PCDH19: variants seen among roughly 807,000 people sequenced by gnomAD.
PCDH19 encodes the protein protocadherin 19, also known as protocadherin-19.
In PCDH19, 6 loss-of-function variants were observed where a neutral mutation model predicts 46.2. The observed-to-expected ratio is 0.13, with a 90% CI of 0.07 to 0.26. The LOEUF (loss-of-function observed/expected upper bound fraction) is 0.26. Ranked by LOEUF, PCDH19 falls within the 10% of genes least tolerant of loss-of-function variation. The pLI is 1.00. For synonymous variants in PCDH19, 481 were observed against 415.7 expected, an observed-to-expected ratio of 1.16 and a Z score of -1.91; for missense variants, 740 against 972.3, an observed-to-expected ratio of 0.76 and a Z score of 3.18.
intron 5 of PCDH19, among the ~76,000 whole-genome samples, chrX:100,304,290 C>A (rs948579751): frequency 1.1e-4 from 12 of 111,402 alleles, no homozygotes; most frequent in Non-Finnish European, 2.1e-4. Context: ...CCCAGTAGCT[C>A]CACTGGGTGG....
At chrX:100,401,875 T>C (rs1446097312) in intron 3 of PCDH19, among the ~76,000 whole-genome samples, 2 of 111,000 alleles carry the variant, frequency 1.8e-5, no homozygotes, top group Non-Finnish European at 3.8e-5. Flanking sequence ...GGATTACAGG[T>C]GTGAGCCACT....
chrX:100,360,991 G>T (rs901077812), intron 3 of PCDH19, among the ~76,000 whole-genome samples: 2 of 111,808 alleles, frequency 1.8e-5, no homozygotes, highest in Non-Finnish European at 3.8e-5. Flanking sequence ...GGATGAGGGT[G>T]GGTTAGAATT....
At chrX:100,311,843 G>A (rs188806309) in intron 5 of PCDH19, among the ~76,000 whole-genome samples, 1 of 110,834 alleles carries the variant, frequency 9.0e-6, no homozygotes, top group East Asian at 2.8e-4. Flanking sequence ...TTATCTTGAT[G>A]TTTCAGTGTA....
chrX:100,340,528 CTCTGTTTCAGTTATAT>C (rs1188128515), intron 5 of PCDH19, among the ~76,000 whole-genome samples: 1 of 111,899 alleles, frequency 8.9e-6, no homozygotes, highest in African/African-American at 3.2e-5. Flanking sequence ...ATTAAATTGT[CTCTGTTTCAGTTATAT>C]AACTGTTTAA....
chrX:100,329,003 G>A (rs1321024407), intron 5 of PCDH19, among the ~76,000 whole-genome samples: 3 of 111,804 alleles, frequency 2.7e-5, no homozygotes, highest in African/African-American at 9.8e-5. Flanking sequence ...AGCTCCAGCC[G>A]CTCAGTCTGT....
intron 5 of PCDH19, among the ~76,000 whole-genome samples, chrX:100,302,845 A>G (rs972765484): frequency 1.3e-4 from 15 of 111,934 alleles, no homozygotes; most frequent in Admixed American, 3.8e-4. Context: ...GCTGTCAATT[A>G]AACTGTTAAT....
chrX:100,319,909 A>T (rs1314584652), intron 5 of PCDH19, among the ~76,000 whole-genome samples: 1 of 112,324 alleles, frequency 8.9e-6, no homozygotes, highest in African/African-American at 3.2e-5. Flanking sequence ...TGGATGATTC[A>T]GTAAGGGAGA....
chrX:100,322,865 A>ATATATATATATATATTTT, intron 5 of PCDH19, among the ~76,000 whole-genome samples: 2 of 54,416 alleles, frequency 3.7e-5, no homozygotes, highest in African/African-American at 1.7e-4. Context: ...ATATATATAT[A>ATATATATATATATATTTT]TTTTTGCAGC....
intron 5 of PCDH19, among the ~76,000 whole-genome samples, chrX:100,325,034 G>T (rs181700688): frequency 2.1e-3 from 232 of 110,120 alleles, no homozygotes; most frequent in African/African-American, 7.3e-3. Context: ...GGCCAAGGAA[G>T]AGAAGGGAAC....
rs373181586 is a variant in PCDH19 at position 100,407,806 on chromosome X, A to G, written c.792T>C (p.Asp264=). 11 of 1,211,046 alleles carry G rather than the reference A, an allele frequency of 9.1e-6. No homozygotes were observed. In the African/African-American group the frequency reaches 1.9e-4, roughly 21 times the overall value. The stretch of plus-strand genomic sequence containing the variant: ...CCTGGCCGTTGGTGCCCTCGTCTGG[A>G]TCGCTGGCGTTGAGGCGGATGACGG... ...NTPVIRLNAS[D]PDEGTNGQVV... The change falls in exon 1 of 6, where the codon GAT becomes GAC. Residue 264 remains aspartate (D), a synonymous_variant. Transcript: ENST00000373034.
chrX:100,385,020 G>C (rs759831204), intron 3 of PCDH19, among the ~76,000 whole-genome samples: 1 of 109,897 alleles, frequency 9.1e-6, no homozygotes, highest in Non-Finnish European at 1.9e-5. Context: ...TTAGCCAGGC[G>C]TTGTGGTGAG....
At position 100,407,629 on chromosome X, in the gene PCDH19, G is replaced by A. The variant is rs1310458329; in HGVS notation, c.969C>T (p.Pro323=). The A allele has an allele frequency of 1.7e-6, 2 of 1,212,046 alleles. No homozygotes were observed. Among genetic ancestry groups the A allele is most frequent in the South Asian group, 3.5e-5 (2 of 57,025 alleles). The change falls in exon 1 of 6, where the codon CCC becomes CCT. Residue 323 remains proline, a synonymous_variant. Transcript: ENST00000373034. ...ELDVQAKDLG[P]NSIPAHCKVT... is the part of the protein sequence containing the mutation. ...CCTTGCAGTGTGCCGGGATGGAATT[G>A]GGCCCCAAGTCCTTAGCCTGCACGT...
intron 5 of PCDH19, among the ~76,000 whole-genome samples, chrX:100,297,901 TTA>T (rs1219229293): frequency 9.0e-6 from 1 of 111,047 alleles, no homozygotes; most frequent in Admixed American, 9.6e-5. Flanking sequence ...CTATTTATAT[TTA>T]TGTTACATTC....
chrX:100,335,716 T>C (rs1399534317), intron 5 of PCDH19, among the ~76,000 whole-genome samples: 1 of 111,849 alleles, frequency 8.9e-6, no homozygotes, highest in Non-Finnish European at 1.9e-5. Flanking sequence ...TTACAGTCAA[T>C]AACAGCAGTA....
intron 5 of PCDH19, among the ~76,000 whole-genome samples, chrX:100,322,419 T>C (rs1324617602): frequency 3.6e-5 from 4 of 111,560 alleles, no homozygotes; most frequent in African/African-American, 6.5e-5. Flanking sequence ...TTCTGTTCCA[T>C]TGGTCTATGT....
At chrX:100,361,149 T>C (rs993925991) in intron 3 of PCDH19, among the ~76,000 whole-genome samples, 6 of 112,277 alleles carry the variant, frequency 5.3e-5, no homozygotes, top group Non-Finnish European at 1.1e-4. Flanking sequence ...TAGAAATCTG[T>C]AATGCAGTTA....
intron 5 of PCDH19, among the ~76,000 whole-genome samples, chrX:100,314,722 C>G (rs1261035840): frequency 2.7e-5 from 3 of 111,371 alleles, no homozygotes; most frequent in Non-Finnish European, 5.7e-5. Flanking sequence ...TTGTCAGCTC[C>G]CCCAGTGTAT....
intron 3 of PCDH19, among the ~76,000 whole-genome samples, chrX:100,366,331 C>T (rs1425869479): frequency 9.0e-6 from 1 of 111,706 alleles, no homozygotes; most frequent in Non-Finnish European, 1.9e-5. Context: ...GGCATTAGAC[C>T]ACCAAGGGGA....
intron 3 of PCDH19, among the ~76,000 whole-genome samples, chrX:100,354,305 T>C (rs1602602720): frequency 8.9e-6 from 1 of 111,944 alleles, no homozygotes; most frequent in Non-Finnish European, 1.9e-5. Flanking sequence ...GAATAGTTTG[T>C]ATGTCTTAAG....
Sources: allele counts gnomAD v4.1 joint callset (sites outside exome capture counted in the v4.1 genomes callset), GRCh38; gene constraint gnomAD v4.1.1; transcripts MANE v1.5; gene names NCBI Gene and HGNC (gene_info 2026-07-23, HGNC 2026-07-21).